Variants in RABGEF1 observed in about 807,000 individuals in gnomAD.
RABGEF1 encodes the protein rab5 GDP/GTP exchange factor.
Under a neutral mutation model 57.3 loss-of-function variants are expected in RABGEF1, and 26 were observed. The observed-to-expected ratio is 0.45, with a 90% CI of 0.33 to 0.63. RABGEF1 has a LOEUF of 0.63. RABGEF1 is among the 20% of genes least tolerant of loss of function. The pLI, the probability that RABGEF1 is intolerant of heterozygous loss-of-function variation, is 0.02. For synonymous variants in RABGEF1, 185 were observed against 210.7 expected, an observed-to-expected ratio of 0.88 and a Z score of 1.06; for missense variants, 464 against 607.6, an observed-to-expected ratio of 0.76 and a Z score of 2.48.
Position 66,809,332 on chromosome 7 carries a change from C to T in RABGEF1, c.*48C>T, listed in dbSNP as rs762923163. The T allele has an allele frequency of 6.6e-7, 1 of 1,524,326 alleles. No individual in the cohort carries two copies. The highest frequency in any genetic ancestry group is 8.9e-7 in the Non-Finnish European group (1 of 1,128,332). 94.4% of individuals were successfully genotyped at this position (1,524,326 alleles called of 1,614,324 possible). ...TATTTGAGCCTAAATTGTAGGTAGC[C>T]CTTACTACACTCAACTGATTGGGAT... On this transcript the variant is annotated 3_prime_UTR_variant, in exon 9 of 9. Coordinates refer to ENST00000284957, the MANE Select transcript of RABGEF1 (RefSeq NM_014504.3).
At position 66,781,429 on chromosome 7, in the gene RABGEF1, G is replaced by A. The variant is rs1443036347; in HGVS notation, c.347-2246G>A. Among the ~76,000 whole-genome samples the A allele has an allele frequency of 2.6e-5, 4 of 152,048 alleles. No homozygotes were observed. In the South Asian group the frequency reaches 8.3e-4, roughly 32 times the overall value. On this transcript the variant is annotated intron_variant, in intron 3 of 8. Transcript: ENST00000284957. Reference sequence around the variant, plus strand: ...TGCAGAATGCAGTTTTGTTACATAGGTATATACGTGCCCTGGTGGTTTGCT... The same window carrying A: ...TGCAGAATGCAGTTTTGTTACATAGATATATACGTGCCCTGGTGGTTTGCT...
chr7:66,665,970 T>C, the RABGEF1 span: 2 of 152,952 alleles, frequency 1.3e-5, no homozygotes, highest in African/African-American at 2.4e-5. Context: ...GGAGGTGACA[T>C]AGGAGCTGGC....
chr7:66,782,621 A>T (rs1050824250), intron 3 of RABGEF1, among the ~76,000 whole-genome samples: 23 of 151,804 alleles, frequency 1.5e-4, no homozygotes, highest in Non-Finnish European at 2.9e-5. Context: ...ATAGGTATGC[A>T]CTACCATGCC....
chr7:66,775,138 A>T, intron 2 of RABGEF1, 89 bp from the exon 3 acceptor site: 1 of 1,385,536 alleles, frequency 7.2e-7, no homozygotes, highest in Non-Finnish European at 9.7e-7. Flanking sequence ...AAATCTTTAG[A>T]TCCTCCTGAA....
chr7:66,810,965 T>G lies in RABGEF1; in HGVS notation c.*1681T>G, dbSNP rs1192842279. ...TCACTGAGTCAGCTGGTTCCCAAGC[T>G]CGCACAGAAGGTGATAAGTTACTAT... On this transcript the variant is annotated 3_prime_UTR_variant, in exon 9 of 9. Coordinates refer to ENST00000284957, the MANE Select transcript of RABGEF1 (RefSeq NM_014504.3). 1.3e-5 allele frequency: 2 copies of G among 152,266 alleles called. No individual in the cohort carries two copies. The highest frequency in any genetic ancestry group is 2.9e-5 in the Non-Finnish European group (2 of 68,044). The allele number at this position is 152,266 out of a possible 1,614,324, so 9.4% of individuals were successfully genotyped here.
intron 1 of RABGEF1, among the ~76,000 whole-genome samples, chr7:66,708,741 G>A (rs1471801261): frequency 1.3e-5 from 2 of 152,144 alleles, no homozygotes; most frequent in Non-Finnish European, 2.9e-5. Context: ...GGGCCCAGGA[G>A]GTTGAGGTTG....
At position 66,711,325 on chromosome 7, in the gene RABGEF1, C is replaced by A. The variant is rs73137947; in HGVS notation, c.-872-842C>A. Among the ~76,000 whole-genome samples, 802 of 151,752 alleles carry A rather than the reference C, an allele frequency of 5.3e-3. 2 individuals carry two copies. The highest frequency in any genetic ancestry group is 8.0e-3 in the Non-Finnish European group (545 of 67,972). ...TTGCCTAACCTAATTATTTGCCTAA[C>A]CTAATGTCACAATATTTTTTTCGAT... On this transcript the variant is annotated intron_variant and NMD_transcript_variant, in intron 1 of 9. Transcript: ENST00000607882.
the RABGEF1 span, chr7:66,668,889 A>G: frequency 2.1e-4 from 32 of 152,240 alleles, no homozygotes; most frequent in African/African-American, 7.7e-4. Flanking sequence ...CTTGCATCAG[A>G]TGCAGAAACC....
chr7:66,665,311 A>ATT, the RABGEF1 span: 652 of 148,764 alleles, frequency 4.4e-3, 6 homozygotes, highest in East Asian at 0.014. Context: ...TGCCGTGCTA[A>ATT]TTTTTTTTTT....
At chr7:66,787,366 T>G (rs1284025585) in intron 4 of RABGEF1, among the ~76,000 whole-genome samples, 1 of 117,410 alleles carries the variant, frequency 8.5e-6, no homozygotes. Flanking sequence ...TTTTTTAAGA[T>G]AGAGTCTTGC....
At chr7:66,706,827 G>C (rs1794170397) in intron 1 of RABGEF1, among the ~76,000 whole-genome samples, 1 of 144,924 alleles carries the variant, frequency 6.9e-6, no homozygotes, top group Non-Finnish European at 1.5e-5. Flanking sequence ...TGTCGCCCAG[G>C]CTGGACTGCA....
intron 2 of RABGEF1, among the ~76,000 whole-genome samples, chr7:66,717,237 C>A (rs1795515905): frequency 6.6e-6 from 1 of 152,048 alleles, no homozygotes; most frequent in Non-Finnish European, 1.5e-5. Flanking sequence ...AGTATGTACA[C>A]CAAACTTTTT....
chr7:66,787,579 A>T (rs1811521113), intron 4 of RABGEF1, among the ~76,000 whole-genome samples: 4 of 152,106 alleles, frequency 2.6e-5, no homozygotes, highest in Admixed American at 2.0e-4. Context: ...TCCTAGCCTC[A>T]CATGATCCGC....
upstream of RABGEF1, among the ~76,000 whole-genome samples, chr7:66,677,359 GC>G (rs767136850): frequency 4.6e-5 from 7 of 152,076 alleles, no homozygotes; most frequent in Non-Finnish European, 8.8e-5. Flanking sequence ...ATAACTTGAG[GC>G]CATAAGTTTG....
At chr7:66,683,907 AT>A (rs1790182615) in intron 1 of RABGEF1, among the ~76,000 whole-genome samples, 1 of 151,992 alleles carries the variant, frequency 6.6e-6, no homozygotes. Context: ...CACCCAGCTG[AT>A]TTTTAAAGAT....
the RABGEF1 span, among the ~76,000 whole-genome samples, chr7:66,663,302 AT>A: frequency 1.7e-4 from 26 of 152,186 alleles, no homozygotes; most frequent in Admixed American, 9.2e-4. Flanking sequence ...AGGCTGTGAG[AT>A]CCCTGATTTC....
At chr7:66,743,722 C>A (rs916433777) in intron 1 of RABGEF1, among the ~76,000 whole-genome samples, 3 of 152,098 alleles carry the variant, frequency 2.0e-5, no homozygotes, top group African/African-American at 7.2e-5. Context: ...AGGATGGTCT[C>A]AATCTCCTGA....
At chr7:66,790,731 A>G (rs369161147) in intron 4 of RABGEF1, among the ~76,000 whole-genome samples, 72 of 152,354 alleles carry the variant, frequency 4.7e-4, no homozygotes, top group Middle Eastern at 3.4e-3. Context: ...GTAGGTAAAC[A>G]GAAAAGTAAG....
chr7:66,671,401 A>T, the RABGEF1 span, among the ~76,000 whole-genome samples: 1 of 152,108 alleles, frequency 6.6e-6, no homozygotes, highest in Non-Finnish European at 1.5e-5. Context: ...AATAAGTGTA[A>T]TCCCACATAG....
Sources: allele counts gnomAD v4.1 joint callset (sites outside exome capture counted in the v4.1 genomes callset), GRCh38; gene constraint gnomAD v4.1.1; transcripts MANE v1.5; gene names NCBI Gene and HGNC (gene_info 2026-07-23, HGNC 2026-07-21).